SF3B1: variants seen among roughly 807,000 people sequenced by gnomAD.
SF3B1 encodes pre-mRNA processing 10.
A neutral mutation model predicts 153.8 loss-of-function variants in SF3B1; 12 were observed. The observed-to-expected ratio is 0.08, with a 90% CI of 0.05 to 0.13. SF3B1 has a LOEUF of 0.13. Among genes scored for constraint, SF3B1 ranks in the 10% least tolerant of loss-of-function variants. The pLI is 1.00. For missense variants in SF3B1, 513 were observed against 1,606.1 expected, an observed-to-expected ratio of 0.32 and a Z score of 11.63; for synonymous variants, 498 against 525.2, an observed-to-expected ratio of 0.95 and a Z score of 0.71.
intron 1 of SF3B1, among the ~76,000 whole-genome samples, chr2:197,425,093 C>T (rs1299831810): frequency 6.6e-6 from 1 of 152,134 alleles, no homozygotes; most frequent in Non-Finnish European, 1.5e-5. Context: ...GAGGCCAAGG[C>T]TGCAGTGAGC....
At chr2:197,433,775 G>A (rs77998163) in intron 1 of SF3B1, among the ~76,000 whole-genome samples, 68 of 152,240 alleles carry the variant, frequency 4.5e-4, no homozygotes, top group African/African-American at 1.6e-3. Context: ...TGCTACAGTG[G>A]ACTACTACTC....
At chr2:197,411,852 C>T (rs2085073225) in intron 6 of SF3B1, among the ~76,000 whole-genome samples, 3 of 152,028 alleles carry the variant, frequency 2.0e-5, no homozygotes, top group African/African-American at 7.2e-5. Context: ...AATCCCAGCA[C>T]TTTGGGAGGC....
In SF3B1 at chr2:197,421,136, G is replaced by A. The variant is rs777759400; in HGVS notation, c.196-3C>T. 7.9e-5 allele frequency: 126 copies of A among 1,597,184 alleles called. No individual in the cohort carries two copies. Among genetic ancestry groups the A allele is most frequent in the Non-Finnish European group, 1.1e-4 (124 of 1,167,196 alleles). ...GATGATGAATAGTCATCGTCATCCTGCAATGAAAACCCCCCAAAAAGCCAT... is the reference window on the plus strand; with the variant it reads ...GATGATGAATAGTCATCGTCATCCTACAATGAAAACCCCCCAAAAAGCCAT... On this transcript the variant is annotated splice_region_variant and splice_polypyrimidine_tract_variant and intron_variant, in intron 2 of 24. Coordinates refer to ENST00000335508, the MANE Select transcript of SF3B1 (RefSeq NM_012433.4).
intron 1 of SF3B1, among the ~76,000 whole-genome samples, chr2:197,430,948 C>CTGTG (rs2085420158): frequency 6.6e-6 from 1 of 152,062 alleles, no homozygotes; most frequent in South Asian, 2.1e-4. Flanking sequence ...GCGTGAGCAA[C>CTGTG]CCCTGGCCTC....
chr2:197,414,099 TG>T (rs1384972874), intron 6 of SF3B1, among the ~76,000 whole-genome samples: 1 of 152,184 alleles, frequency 6.6e-6, no homozygotes, highest in African/African-American at 2.4e-5. Flanking sequence ...TGAGCCACTC[TG>T]CCCAGCCCTT....
intron 9 of SF3B1, 143 bp from the exon 10 acceptor site, chr2:197,405,615 C>T: frequency 1.6e-6 from 1 of 634,498 alleles, no homozygotes. Flanking sequence ...GCTTTTCTAT[C>T]TTAATTAGAA....
Position 197,401,640 on chromosome 2 carries a change from G to C in SF3B1, c.2370+102C>G, listed in dbSNP as rs567923771. 1.4e-5 allele frequency: 21 copies of C among 1,465,254 alleles called. 1 individual carries two copies. The highest frequency in any genetic ancestry group is 1.9e-5 in the Non-Finnish European group (20 of 1,067,280). 90.8% of individuals were successfully genotyped at this position (1,465,254 alleles called of 1,614,324 possible). ...TTTAAAAACAAATCAAACAGTATTC[G>C]TGTAACATACAGTTTTTTTTGTTGA... On this transcript the variant is annotated intron_variant, in intron 16 of 24. Coordinates refer to ENST00000335508, the MANE Select transcript of SF3B1 (RefSeq NM_012433.4). The surrounding 1 kb of genome is among the most constrained non-coding windows in gnomAD (Gnocchi z 4.2).
chr2:197,416,757 C>T lies in SF3B1; in HGVS notation c.650G>A (p.Ser217Asn). The change falls in exon 6 of 25, where the codon AGT (serine) becomes AAT (asparagine). Residue 217 changes from serine (S) to asparagine (N), a missense_variant. Transcript: ENST00000335508. ...TPGATPKKLSSWDQAETPGHT... is the reference protein window; with the variant it reads ...TPGATPKKLSNWDQAETPGHT... ...AGAAATTACCTCTGCCTGATCCCAACTTGATAGTTTTTTGGGAGTGGCACC... is the reference window on the plus strand; with the variant it reads ...AGAAATTACCTCTGCCTGATCCCAATTTGATAGTTTTTTGGGAGTGGCACC... 1 of 1,611,176 alleles carries T rather than the reference C, an allele frequency of 6.2e-7. No individual in the cohort carries two copies. Among genetic ancestry groups the T allele is most frequent in the Non-Finnish European group, 8.5e-7 (1 of 1,179,218 alleles).
chr2:197,418,264 A>AAAAAAAAAAAAAAAAAAAAAAACC (rs2085186178), intron 5 of SF3B1, among the ~76,000 whole-genome samples: 1 of 144,120 alleles, frequency 6.9e-6, no homozygotes. Context: ...AAAAAAAAAA[A>AAAAAAAAAAAAAAAAAAAAAAACC]TCCCTTGTGA....
intron 11 of SF3B1, among the ~76,000 whole-genome samples, chr2:197,404,016 A>G (rs985909506): frequency 6.6e-6 from 1 of 152,194 alleles, no homozygotes; most frequent in African/African-American, 2.4e-5. Context: ...AAATGCCTTC[A>G]TTTCCCTGAA....
intron 5 of SF3B1, among the ~76,000 whole-genome samples, chr2:197,418,002 G>A (rs1279258489): frequency 4.6e-5 from 7 of 151,028 alleles, no homozygotes; most frequent in East Asian, 2.0e-4. Flanking sequence ...TTGGCAGGCC[G>A]AGACAGGCAG....
intron 22 of SF3B1, among the ~76,000 whole-genome samples, chr2:197,397,456 G>C (rs957224002): frequency 2.0e-5 from 3 of 152,172 alleles, no homozygotes; most frequent in African/African-American, 7.2e-5. Context: ...CACCTAAAGT[G>C]TAATTAAAGT....
intron 6 of SF3B1, among the ~76,000 whole-genome samples, chr2:197,413,289 T>G (rs1240639458): frequency 6.6e-6 from 1 of 152,174 alleles, no homozygotes; most frequent in African/African-American, 2.4e-5. Context: ...TAATCCCAGC[T>G]ACTTGGGAGG....
In SF3B1 at chr2:197,390,294, GCTA is replaced by G. The variant is rs1412285036; in HGVS notation, c.*2006_*2008del. On this transcript the variant is annotated 3_prime_UTR_variant, in exon 25 of 25. Coordinates refer to ENST00000335508, the MANE Select transcript of SF3B1 (RefSeq NM_012433.4). ...AGAACCAGAGGCCAAGCAAACGTAG[GCTA>G]CTAAGTACTTGAATTGAAAATACAA... is the stretch of plus-strand genomic sequence containing the variant. 1 of 152,142 alleles carries G rather than the reference GCTA, an allele frequency of 6.6e-6. No homozygotes were observed. The highest frequency in any genetic ancestry group is 2.4e-5 in the African/African-American group (1 of 41,416). 9.4% of individuals were successfully genotyped at this position (152,142 alleles called of 1,614,324 possible).
chr2:197,427,542 G>C (rs757790202), intron 1 of SF3B1, among the ~76,000 whole-genome samples: 12 of 152,124 alleles, frequency 7.9e-5, no homozygotes, highest in Non-Finnish European at 1.3e-4. Flanking sequence ...AAATATTTAT[G>C]AGCAAACAAA....
chr2:197,399,977 A>G lies in SF3B1; in HGVS notation c.3013+78T>C. On this transcript the variant is annotated intron_variant, in intron 20 of 24. Coordinates refer to ENST00000335508, the MANE Select transcript of SF3B1 (RefSeq NM_012433.4). ...AACAAAAACCTCCCAACTCCTAAAT[A>G]AGATTTTACTTACGAAAAAAAAAAG... 2.9e-6 allele frequency: 3 copies of G among 1,021,606 alleles called. No individual in the cohort carries two copies. In the South Asian group the frequency reaches 4.4e-5, roughly 15 times the overall value. The allele number at this position is 1,021,606 out of a possible 1,614,324, so 63.3% of individuals were successfully genotyped here. A position where few individuals can be genotyped will look rare whatever the true frequency, so the allele number is the denominator to read the frequency against.
At chr2:197,403,812 A>G in intron 11 of SF3B1, 48 bp from the exon 12 acceptor site, 1 of 1,375,480 alleles carries the variant, frequency 7.3e-7, no homozygotes, top group South Asian at 1.4e-5. Context: ...ATAATCAAAC[A>G]TTTTGAATGA....
intron 22 of SF3B1, among the ~76,000 whole-genome samples, chr2:197,396,723 T>C (rs1678148920): frequency 6.6e-6 from 1 of 152,208 alleles, no homozygotes; most frequent in Admixed American, 6.5e-5. Flanking sequence ...GAGGGGAATA[T>C]CCGAATTGTA....
chr2:197,394,476 A>G (rs996492767), intron 23 of SF3B1, among the ~76,000 whole-genome samples: 7 of 152,226 alleles, frequency 4.6e-5, no homozygotes, highest in Non-Finnish European at 1.0e-4. Flanking sequence ...ATTTTTTCAA[A>G]CCTACAGAAA....
Sources: gnomAD v4.1 joint callset for allele counts (sites outside exome capture counted in the v4.1 genomes callset) on GRCh38, gnomAD v4.1.1 for gene constraint, Gnocchi (gnomAD v3.1) non-coding constraint, MANE v1.5 for transcripts, NCBI Gene and HGNC (gene_info 2026-07-23, HGNC 2026-07-21) for gene names.